ABCG1: variants seen among roughly 807,000 people sequenced by gnomAD.
The protein encoded by ABCG1 is ATP binding cassette subfamily G member 1, also known as ATP-binding cassette sub-family G member 1.
Under a neutral mutation model 69.2 loss-of-function variants are expected in ABCG1, and 29 were observed. That is an observed-to-expected ratio of 0.42 (90% confidence interval 0.31 to 0.57). The LOEUF (loss-of-function observed/expected upper bound fraction) is 0.57, where lower values mean the gene tolerates loss of function less well. ABCG1 is among the 20% of genes least tolerant of loss of function. ABCG1 has a pLI of 0.15. For synonymous variants in ABCG1, 370 were observed against 374.8 expected (o/e 0.99, Z 0.15); for missense variants, 718 against 898.1 (o/e 0.80, Z 2.56).
rs769423410 is a variant in ABCG1 at position 42,219,270 on chromosome 21, G to A, written c.8G>A (p.Cys3Tyr). 7 of 1,586,192 alleles carry A rather than the reference G, an allele frequency of 4.4e-6. No individual in the cohort carries two copies. The East Asian group carries it at 1.4e-4, about 32-fold the overall frequency. ...CGCCGCCGCCCCCGGGGCATGGCCT[G>A]TCTGATGGCCGCTTTCTCGGTCGGC... is the stretch of plus-strand genomic sequence containing the variant. MA[C>Y]LMAAFSVGTA... Residue 3 changes from cysteine (C) to tyrosine (Y), a missense_variant, in exon 1 of 15, where the codon TGT (cysteine) becomes TAT (tyrosine). Cys to Tyr is a radical substitution (Grantham distance 194). This residue lies in a region of ABCG1 where 514 missense variants were observed against 574.3 expected (regional missense o/e 0.90). Transcript: ENST00000398449. The surrounding 1 kb of genome is among the most constrained non-coding windows in gnomAD (Gnocchi z 5.3).
At chr21:42,290,741 G>A (rs903041564) in intron 11 of ABCG1, among the ~76,000 whole-genome samples, 12 of 152,180 alleles carry the variant, frequency 7.9e-5, no homozygotes, top group African/African-American at 2.9e-4. Flanking sequence ...ATTTCCAAGA[G>A]CAGCTTGCAG....
chr21:42,209,275 T>C (rs2067567737), intron 2 of ABCG1, among the ~76,000 whole-genome samples: 1 of 152,154 alleles, frequency 6.6e-6, no homozygotes, highest in African/African-American at 2.4e-5. Flanking sequence ...GGTGTGAAAG[T>C]GTAAAACCCA....
chr21:42,201,553 C>T (rs1349334634), intron 1 of ABCG1: 28 of 1,449,970 alleles, frequency 1.9e-5, no homozygotes, highest in Non-Finnish European at 2.5e-5. Flanking sequence ...TTCATTCTGT[C>T]GACCTTCTTC....
chr21:42,238,771 T>C (rs892604847), intron 2 of ABCG1, among the ~76,000 whole-genome samples: 1 of 152,180 alleles, frequency 6.6e-6, no homozygotes, highest in Non-Finnish European at 1.5e-5. Context: ...TGTGGCTAGA[T>C]GGTCATGACT....
chr21:42,216,867 C>T (rs1389394607), upstream of ABCG1, among the ~76,000 whole-genome samples: 1 of 152,190 alleles, frequency 6.6e-6, no homozygotes, highest in Non-Finnish European at 1.5e-5. Context: ...GGGATGCTTA[C>T]TCGGTGCTGG....
Position 42,276,001 on chromosome 21 carries a change from C to T in ABCG1, c.538-894C>T, listed in dbSNP as rs1430008637. The stretch of plus-strand genomic sequence containing the variant: ...GACCTCTTTGCCCCACACCCCGCCC[C>T]CCTCCCCGCCACCGCCCTGCATCTC... On this transcript the variant is annotated intron_variant, in intron 4 of 14. Transcript: ENST00000398449. The surrounding 1 kb of genome is among the most constrained non-coding windows in gnomAD (Gnocchi z 5.3). 2.4e-4 allele frequency among the ~76,000 whole-genome samples: 35 copies of T among 143,296 alleles called. No individual in the cohort carries two copies. The highest frequency in any genetic ancestry group is 4.7e-4 in the Non-Finnish European group (31 of 65,348). 94.0% of individuals were successfully genotyped at this position (143,296 alleles called of 152,430 possible).
chr21:42,260,044 T>C, intron 2 of ABCG1: 1 of 1,550,288 alleles, frequency 6.5e-7, no homozygotes. Context: ...CCCCATCACC[T>C]GGGGGTGGTC....
At chr21:42,267,571 G>A (rs1262591464) in intron 2 of ABCG1, among the ~76,000 whole-genome samples, 2 of 149,690 alleles carry the variant, frequency 1.3e-5, no homozygotes, top group Non-Finnish European at 3.0e-5. Flanking sequence ...GTCTGGGTGT[G>A]GTCTGGGTTC....
At chr21:42,255,258 T>C (rs976942295) in intron 2 of ABCG1, among the ~76,000 whole-genome samples, 4 of 152,210 alleles carry the variant, frequency 2.6e-5, no homozygotes, top group Admixed American at 1.3e-4. Context: ...AGGGGGCGTG[T>C]GTGTGCACAC....
At position 42,219,400 on chromosome 21, in the gene ABCG1, C is replaced by A; in HGVS notation, c.42+96C>A. The stretch of plus-strand genomic sequence containing the variant: ...TCGCAAGCTCGACCTGACACCCCTC[C>A]CAGGAGCGCGTCCTCTGGGCGCTGA... On this transcript the variant is annotated intron_variant, in intron 1 of 14. Transcript: ENST00000398449. This position sits in a 1 kb window ranked among gnomAD's most constrained non-coding sequence, Gnocchi z 5.3. 1 of 1,500,460 alleles carries A rather than the reference C, an allele frequency of 6.7e-7. No homozygotes were observed. The highest frequency in any genetic ancestry group is 8.9e-7 in the Non-Finnish European group (1 of 1,122,868). The allele number at this position is 1,500,460 out of a possible 1,614,324, so 92.9% of individuals were successfully genotyped here. A position where few individuals can be genotyped will look rare whatever the true frequency, so the allele number is the denominator to read the frequency against.
At chr21:42,247,287 T>C (rs2068147671) in intron 2 of ABCG1, among the ~76,000 whole-genome samples, 1 of 152,256 alleles carries the variant, frequency 6.6e-6, no homozygotes, top group South Asian at 2.1e-4. Flanking sequence ...TCAATGAGTT[T>C]ATAATTGATA....
In ABCG1 at chr21:42,287,818, G is replaced by T; in HGVS notation, c.974-71G>T. 1 of 1,456,198 alleles carries T rather than the reference G, an allele frequency of 6.9e-7. No homozygotes were observed. Among genetic ancestry groups the T allele is most frequent in the South Asian group, 1.4e-5 (1 of 69,314 alleles). 90.2% of individuals were successfully genotyped at this position (1,456,198 alleles called of 1,614,324 possible). Reference sequence around the variant, plus strand: ...TTTAAAACATTCCCACTTGAATAACGACTTTCGCATTTGGGTGGTTGGGGT... The same window carrying T: ...TTTAAAACATTCCCACTTGAATAACTACTTTCGCATTTGGGTGGTTGGGGT... On this transcript the variant is annotated intron_variant, in intron 8 of 14. Transcript: ENST00000398449. This position sits in a 1 kb window ranked among gnomAD's most constrained non-coding sequence, Gnocchi z 6.2.
In ABCG1 at chr21:42,225,652, C is replaced by T; in HGVS notation, c.43-19C>T. 4 of 1,610,662 alleles carry T rather than the reference C, an allele frequency of 2.5e-6. No homozygotes were observed. The highest frequency in any genetic ancestry group is 2.2e-5 in the East Asian group (1 of 44,792). On this transcript the variant is annotated intron_variant, in intron 1 of 14. Coordinates refer to ENST00000398449, the MANE Select transcript of ABCG1 (RefSeq NM_016818.3). Reference sequence around the variant, plus strand: ...ATGCAGCTTATAACAGGTCTTGTTGCTTCCTCTGGTTTTTCTAGAATGCCA... The same window carrying T: ...ATGCAGCTTATAACAGGTCTTGTTGTTTCCTCTGGTTTTTCTAGAATGCCA...
intron 2 of ABCG1, among the ~76,000 whole-genome samples, chr21:42,234,044 T>A (rs971293493): frequency 6.6e-6 from 1 of 152,230 alleles, no homozygotes; most frequent in Non-Finnish European, 1.5e-5. Flanking sequence ...TTGTTGTTGT[T>A]TTAATTAAAA....
chr21:42,209,577 T>C (rs2067570048), intron 2 of ABCG1, among the ~76,000 whole-genome samples: 1 of 152,214 alleles, frequency 6.6e-6, no homozygotes, highest in Non-Finnish European at 1.5e-5. Context: ...AAGGATTTTC[T>C]CATAGAGTGG....
intron 2 of ABCG1, among the ~76,000 whole-genome samples, chr21:42,208,552 T>A (rs191717788): frequency 2.0e-5 from 3 of 152,316 alleles, no homozygotes; most frequent in Admixed American, 2.0e-4. Context: ...CCATTTGGAA[T>A]AGGTTTGCCG....
intron 2 of ABCG1, among the ~76,000 whole-genome samples, chr21:42,243,325 C>T (rs1008725202): frequency 4.6e-5 from 7 of 152,082 alleles, no homozygotes; most frequent in African/African-American, 1.2e-4. Flanking sequence ...GACTGCTGCA[C>T]GCCAGGGAAC....
intron 2 of ABCG1, among the ~76,000 whole-genome samples, chr21:42,226,648 C>T (rs1189606406): frequency 1.3e-5 from 2 of 152,028 alleles, no homozygotes; most frequent in Non-Finnish European, 2.9e-5. Context: ...CAAGCCTGAT[C>T]TGTTTCTTCT....
intron 5 of ABCG1, among the ~76,000 whole-genome samples, chr21:42,277,997 G>C (rs7281676): frequency 6.6e-6 from 1 of 152,218 alleles, no homozygotes; most frequent in South Asian, 2.1e-4. Context: ...GATTCAGCCC[G>C]TGTCACCGGG....
Sources: allele counts gnomAD v4.1 joint callset (sites outside exome capture counted in the v4.1 genomes callset), GRCh38; gene constraint gnomAD v4.1.1; regional missense constraint gnomAD v4.1.1; non-coding constraint Gnocchi (gnomAD v3.1); transcripts MANE v1.5; gene names NCBI Gene and HGNC (gene_info 2026-07-23, HGNC 2026-07-21).